Variants in SAMD8 observed in about 807,000 individuals in gnomAD.
SAMD8 encodes sphingomyelin synthase-related protein 1.
In SAMD8, 20 loss-of-function variants were observed where a neutral mutation model predicts 42.0. The ratio of observed to expected loss-of-function variants is 0.48; its 90% CI spans 0.34 to 0.69. SAMD8 has a LOEUF of 0.69. Ranked by LOEUF, SAMD8 falls within the 30% of genes least tolerant of loss-of-function variation. SAMD8 has a pLI of 0.01. For missense variants in SAMD8, 328 were observed against 511.6 expected (o/e 0.64, Z 3.46); for synonymous variants, 162 against 173.0 (o/e 0.94, Z 0.50).
chr10:75,153,765 G>C (rs55832067), intron 2 of SAMD8, among the ~76,000 whole-genome samples: 1 of 147,060 alleles, frequency 6.8e-6, no homozygotes, highest in Non-Finnish European at 1.5e-5. Flanking sequence ...TAGTAAAGAG[G>C]TTTTTTTTTT....
At chr10:75,100,414 C>G (rs1382972595) in intron 1 of SAMD8, among the ~76,000 whole-genome samples, 2 of 152,156 alleles carry the variant, frequency 1.3e-5, no homozygotes, top group Admixed American at 1.3e-4. Context: ...GAGTCAGGCC[C>G]GGCCACCCCC....
At chr10:75,117,631 T>C (rs1224780758) in intron 1 of SAMD8, among the ~76,000 whole-genome samples, 1 of 151,996 alleles carries the variant, frequency 6.6e-6, no homozygotes, top group Non-Finnish European at 1.5e-5. Flanking sequence ...GCAGGAGAAT[T>C]GCTTGATCCC....
chr10:75,149,422 T>A (rs1353605323), intron 1 of SAMD8, among the ~76,000 whole-genome samples: 2 of 152,236 alleles, frequency 1.3e-5, no homozygotes, highest in East Asian at 3.8e-4. Flanking sequence ...AGTTTTCTTT[T>A]AAAAATTTTA....
intron 4 of SAMD8, among the ~76,000 whole-genome samples, chr10:75,175,166 G>T (rs1840962490): frequency 6.6e-6 from 1 of 152,204 alleles, no homozygotes; most frequent in Admixed American, 6.5e-5. Context: ...CTCTTACCTT[G>T]ATAAGTAGCC....
At chr10:75,147,430 G>A (rs1375553766) in intron 1 of SAMD8, among the ~76,000 whole-genome samples, 8 of 152,074 alleles carry the variant, frequency 5.3e-5, no homozygotes, top group Non-Finnish European at 1.0e-4. Flanking sequence ...AGGTTCAAGC[G>A]GTTCTCTGCC....
At chr10:75,144,893 A>G (rs1041908190) in intron 1 of SAMD8, among the ~76,000 whole-genome samples, 14 of 152,134 alleles carry the variant, frequency 9.2e-5, no homozygotes, top group Admixed American at 6.6e-4. Flanking sequence ...TCATAGGCTT[A>G]AGCAATCCTC....
chr10:75,115,839 G>C (rs1848868386), intron 1 of SAMD8, among the ~76,000 whole-genome samples: 1 of 151,710 alleles, frequency 6.6e-6, no homozygotes, highest in Non-Finnish European at 1.5e-5. Flanking sequence ...TACTCAGGAG[G>C]CTGAGGCAGG....
intron 1 of SAMD8, among the ~76,000 whole-genome samples, chr10:75,138,654 A>ATCT: frequency 6.6e-6 from 1 of 152,180 alleles, no homozygotes; most frequent in Non-Finnish European, 1.5e-5. Flanking sequence ...TTTTGCTCTT[A>ATCT]GGCTGCTGAA....
chr10:75,131,134 T>C (rs893062613), intron 1 of SAMD8, among the ~76,000 whole-genome samples: 2 of 152,182 alleles, frequency 1.3e-5, no homozygotes, highest in African/African-American at 4.8e-5. Context: ...CCCTGCAGGG[T>C]CTAACCTGTA....
At chr10:75,139,086 G>A (rs950441996) in intron 1 of SAMD8, among the ~76,000 whole-genome samples, 2 of 150,982 alleles carry the variant, frequency 1.3e-5, no homozygotes, top group African/African-American at 4.9e-5. Flanking sequence ...TCAGCCTCCT[G>A]AGTAGCTGGA....
intron 2 of SAMD8, among the ~76,000 whole-genome samples, chr10:75,152,447 G>A (rs1175957095): frequency 3.4e-5 from 5 of 149,214 alleles, no homozygotes; most frequent in African/African-American, 4.9e-5. Context: ...GCGTGAACCC[G>A]GGAGGCGGAG....
rs146603357 is a variant in SAMD8, at chr10:75,135,122, C to T, written c.-15-15392C>T. Among the ~76,000 whole-genome samples, 187 of 152,054 alleles carry T rather than the reference C, an allele frequency of 1.2e-3. No individual in the cohort carries two copies. In the East Asian group the frequency reaches 0.025, roughly 20 times the overall value. On this transcript the variant is annotated intron_variant, in intron 1 of 5. Transcript: ENST00000542569. ...TTAAAATTATATATGTGCTAAGTAT[C>T]TTTATTTGATCATCATACAGTGTAT...
intron 1 of SAMD8, among the ~76,000 whole-genome samples, chr10:75,120,774 C>CTTTTTTTT (rs111866437): frequency 8.7e-5 from 7 of 80,166 alleles, no homozygotes; most frequent in East Asian, 4.7e-4. Context: ...TAATTTCCAT[C>CTTTTTTTT]TTTTTTTTTT....
At chr10:75,144,727 A>T in intron 1 of SAMD8, among the ~76,000 whole-genome samples, 1 of 152,010 alleles carries the variant, frequency 6.6e-6, no homozygotes, top group South Asian at 2.1e-4. Flanking sequence ...GCGCGATCTC[A>T]GTCCACTGCA....
upstream of SAMD8, chr10:75,107,982 C>CA: frequency 6.2e-7 from 1 of 1,607,088 alleles, no homozygotes; most frequent in Non-Finnish European, 8.5e-7. Flanking sequence ...GCTTGGACCC[C>CA]AAGTCCTACC....
rs185944286 is a variant in SAMD8 at position 75,177,560 on chromosome 10, A to T, written c.*868A>T. On this transcript the variant is annotated 3_prime_UTR_variant, in exon 6 of 6. Coordinates refer to ENST00000542569, the MANE Select transcript of SAMD8 (RefSeq NM_001174156.2). Reference sequence around the variant, plus strand: ...TAAATGAGCCAAATAGGAGTGTTTTACCAGATGTTAGATAAAGTTCTTAAT... The same window carrying T: ...TAAATGAGCCAAATAGGAGTGTTTTTCCAGATGTTAGATAAAGTTCTTAAT... 85 of 152,348 alleles carry T rather than the reference A, an allele frequency of 5.6e-4. No individual in the cohort carries two copies. The highest frequency in any genetic ancestry group is 1.9e-3 in the African/African-American group (79 of 41,578). 9.4% of individuals were successfully genotyped at this position (152,348 alleles called of 1,614,324 possible).
intron 1 of SAMD8, among the ~76,000 whole-genome samples, chr10:75,104,529 G>T (rs919846100): frequency 6.6e-6 from 1 of 152,194 alleles, no homozygotes; most frequent in Non-Finnish European, 1.5e-5. Flanking sequence ...CAGGCTGAGG[G>T]AGAAGGGTGA....
At chr10:75,119,150 A>G (rs942119295) in intron 1 of SAMD8, among the ~76,000 whole-genome samples, 3 of 151,864 alleles carry the variant, frequency 2.0e-5, no homozygotes, top group East Asian at 1.9e-4. Flanking sequence ...TAAATCAGTA[A>G]TGATTTGTTT....
At position 75,100,007 on chromosome 10, in the gene SAMD8, G is replaced by A. The variant is rs111767817; in HGVS notation, c.-16+279G>A. 4.3e-3 allele frequency among the ~76,000 whole-genome samples: 661 copies of A among 152,250 alleles called. 4 individuals are homozygous for A. The highest frequency in any genetic ancestry group is 0.015 in the African/African-American group (625 of 41,550). On this transcript the variant is annotated intron_variant, in intron 1 of 3. Transcript: ENST00000447533. ...CCCAGAGGAGTCCAACAGCCACACT[G>A]GTCTGGAGCCATCAGGTGGGGCTGC...
Sources: gnomAD v4.1 joint callset for allele counts (sites outside exome capture counted in the v4.1 genomes callset) on GRCh38, gnomAD v4.1.1 for gene constraint, MANE v1.5 for transcripts, NCBI Gene and HGNC (gene_info 2026-07-23, HGNC 2026-07-21) for gene names.